Variants in TRAPPC9 observed in about 807,000 individuals in gnomAD.
TRAPPC9 encodes the protein IKK2 binding protein.
A neutral mutation model predicts 124.0 loss-of-function variants in TRAPPC9; 83 were observed. That is an observed-to-expected ratio of 0.67 (90% CI 0.56 to 0.80). The LOEUF (loss-of-function observed/expected upper bound fraction) is 0.80. Among genes scored for constraint, TRAPPC9 ranks in the 30% least tolerant of loss-of-function variants. TRAPPC9 has a pLI of 0.00. For missense variants in TRAPPC9, 1,302 were observed against 1,508.3 expected, an observed-to-expected ratio of 0.86 and a Z score of 2.27; for synonymous variants, 638 against 617.5, an observed-to-expected ratio of 1.03 and a Z score of -0.49.
chr8:140,116,365 G>A (rs945926823), intron 17 of TRAPPC9, among the ~76,000 whole-genome samples: 7 of 152,030 alleles, frequency 4.6e-5, no homozygotes, highest in Non-Finnish European at 1.0e-4. Context: ...TAAAAGTAAC[G>A]ATTATCACTC....
chr8:139,817,650 A>G (rs1284600263), intron 21 of TRAPPC9, among the ~76,000 whole-genome samples: 1 of 152,252 alleles, frequency 6.6e-6, no homozygotes, highest in African/African-American at 2.4e-5. Flanking sequence ...GCTTGGGCCC[A>G]TGGCTGCTGC....
At chr8:140,426,110 T>C (rs2070413416) in intron 5 of TRAPPC9, among the ~76,000 whole-genome samples, 1 of 152,226 alleles carries the variant, frequency 6.6e-6, no homozygotes, top group South Asian at 2.1e-4. Flanking sequence ...CATCATGAAA[T>C]AATTAAGCAC....
intron 17 of TRAPPC9, among the ~76,000 whole-genome samples, chr8:140,076,036 C>T (rs946643224): frequency 6.6e-6 from 1 of 152,218 alleles, no homozygotes; most frequent in African/African-American, 2.4e-5. Flanking sequence ...AGGCTTTGCA[C>T]ATGATTCTTG....
At chr8:139,851,665 G>A (rs1349851368) in intron 21 of TRAPPC9, among the ~76,000 whole-genome samples, 1 of 152,178 alleles carries the variant, frequency 6.6e-6, no homozygotes, top group East Asian at 1.9e-4. Context: ...ACGTTCAAAA[G>A]GGAAATGAGT....
chr8:140,214,918 C>G (rs2063153514), intron 17 of TRAPPC9, among the ~76,000 whole-genome samples: 1 of 152,176 alleles, frequency 6.6e-6, no homozygotes, highest in Non-Finnish European at 1.5e-5. Context: ...CTACACCATT[C>G]CTCGGTGATA....
intron 9 of TRAPPC9, among the ~76,000 whole-genome samples, chr8:140,351,127 G>A (rs955505785): frequency 9.9e-5 from 15 of 151,240 alleles, no homozygotes; most frequent in East Asian, 2.0e-4. Context: ...GAACAACCGC[G>A]TGGGTAGTCA....
Position 140,406,117 on chromosome 8 carries a change from GA to G in TRAPPC9, c.887-420del, listed in dbSNP as rs536420695. On this transcript the variant is annotated intron_variant, in intron 5 of 22. Transcript: ENST00000438773. ...AGCATTTTCTGAACCACACGGCATTGAAAAAAAAAATTATAAATGATAGTAT... is the reference window on the plus strand; with the variant it reads ...AGCATTTTCTGAACCACACGGCATTGAAAAAAAAATTATAAATGATAGTAT... 4.0e-5 allele frequency among the ~76,000 whole-genome samples: 6 copies of G among 149,500 alleles called. No individual in the cohort carries two copies. In the East Asian group the frequency reaches 5.9e-4, roughly 15 times the overall value.
chr8:140,421,534 T>C (rs752567679), intron 5 of TRAPPC9, among the ~76,000 whole-genome samples: 8 of 152,166 alleles, frequency 5.3e-5, no homozygotes, highest in African/African-American at 7.2e-5. Flanking sequence ...CTATATGATT[T>C]TTACCTTGTG....
At chr8:140,248,007 A>T (rs1418269463) in intron 16 of TRAPPC9, among the ~76,000 whole-genome samples, 1 of 151,996 alleles carries the variant, frequency 6.6e-6, no homozygotes, top group Admixed American at 6.5e-5. Flanking sequence ...ACGTTCTTCT[A>T]TGTTATCTCG....
intron 2 of TRAPPC9, among the ~76,000 whole-genome samples, chr8:140,448,587 G>A (rs1193942331): frequency 6.6e-6 from 1 of 152,226 alleles, no homozygotes; most frequent in African/African-American, 2.4e-5. Flanking sequence ...GAGTCAAGGG[G>A]TCAGAGCAGG....
intron 19 of TRAPPC9, among the ~76,000 whole-genome samples, chr8:139,934,320 G>C (rs932990644): frequency 5.9e-5 from 9 of 152,148 alleles, no homozygotes; most frequent in Admixed American, 5.2e-4. Flanking sequence ...GAGAGTAGCT[G>C]TACGCACAGC....
intron 9 of TRAPPC9, among the ~76,000 whole-genome samples, chr8:140,313,429 G>A (rs2066356973): frequency 6.6e-6 from 1 of 152,214 alleles, no homozygotes; most frequent in Admixed American, 6.5e-5. Flanking sequence ...GGCATTTCTA[G>A]ACAGAAAATA....
At position 139,741,714 on chromosome 8, in the gene TRAPPC9, TCTC is replaced by T. The variant is rs577201447; in HGVS notation, c.3056-9515_3056-9513del. Among the ~76,000 whole-genome samples the T allele has an allele frequency of 4.0e-3, 613 of 152,038 alleles. 4 individuals are homozygous for T. The highest frequency in any genetic ancestry group is 0.014 in the African/African-American group (573 of 41,466). ...CCCCCAGCCCTGGGCAACCCAGTAA[TCTC>T]CTTTCCCGCACCATACATTTCCCTA... On this transcript the variant is annotated intron_variant, in intron 21 of 22. Transcript: ENST00000438773.
intron 21 of TRAPPC9, among the ~76,000 whole-genome samples, chr8:139,756,866 G>T (rs1819852848): frequency 7.3e-6 from 1 of 136,168 alleles, no homozygotes; most frequent in African/African-American, 2.8e-5. Flanking sequence ...AGGGATTGGG[G>T]ATGAGGACAG....
chr8:139,731,713 C>T (rs537520289), intron 22 of TRAPPC9, among the ~76,000 whole-genome samples: 1 of 152,082 alleles, frequency 6.6e-6, no homozygotes, highest in Non-Finnish European at 1.5e-5. Flanking sequence ...AGCCCCCTGT[C>T]CTGGGCACAG....
At chr8:140,266,137 C>T (rs2064644245) in intron 15 of TRAPPC9, among the ~76,000 whole-genome samples, 1 of 151,816 alleles carries the variant, frequency 6.6e-6, no homozygotes, top group South Asian at 2.1e-4. Context: ...AAGAGTTCAC[C>T]TCTTTCACAA....
At chr8:140,347,658 C>T (rs2067390240) in intron 9 of TRAPPC9, among the ~76,000 whole-genome samples, 1 of 152,132 alleles carries the variant, frequency 6.6e-6, no homozygotes. Context: ...GCTATAAAGC[C>T]CCACTTGGCC....
intron 9 of TRAPPC9, among the ~76,000 whole-genome samples, chr8:140,323,712 T>C (rs528424323): frequency 3.3e-5 from 5 of 152,116 alleles, no homozygotes; most frequent in Non-Finnish European, 5.9e-5. Context: ...GAACAAAATA[T>C]ATTTTATTCT....
chr8:139,744,521 C>G (rs917720293), intron 21 of TRAPPC9, among the ~76,000 whole-genome samples: 8 of 152,186 alleles, frequency 5.3e-5, no homozygotes, highest in Admixed American at 5.2e-4. Flanking sequence ...CTCCTAGGAG[C>G]CGAGGCAGGC....
Sources: gnomAD v4.1 joint callset for allele counts (sites outside exome capture counted in the v4.1 genomes callset) on GRCh38, gnomAD v4.1.1 for gene constraint, MANE v1.5 for transcripts, NCBI Gene and HGNC (gene_info 2026-07-23, HGNC 2026-07-21) for gene names.